The following CGGBP1 variants were observed in gnomAD, a reference collection of about 807,000 sequenced individuals.
The protein encoded by CGGBP1 is CGG triplet repeat binding protein 1, also known as CGG triplet repeat-binding protein 1.
CGGBP1 carries 4 observed loss-of-function variants against 11.4 expected under a neutral mutation model. That is an observed-to-expected ratio of 0.35 (90% CI 0.17 to 0.80). The LOEUF (loss-of-function observed/expected upper bound fraction) is 0.80, where lower values mean the gene tolerates loss of function less well. Ranked by LOEUF, CGGBP1 falls within the 30% of genes least tolerant of loss-of-function variation. CGGBP1 has a pLI of 0.52. For synonymous variants in CGGBP1, 76 were observed against 74.1 expected, an observed-to-expected ratio of 1.03 and a Z score of -0.13; for missense variants, 135 against 202.1, an observed-to-expected ratio of 0.67 and a Z score of 2.01.
chr3:88,077,299 G>A (rs1220722528), intron 2 of CGGBP1, among the ~76,000 whole-genome samples: 2 of 150,696 alleles, frequency 1.3e-5, no homozygotes, highest in Non-Finnish European at 3.0e-5. Flanking sequence ...TATGTTGGTA[G>A]TTACAAAAAA....
intron 2 of CGGBP1, among the ~76,000 whole-genome samples, chr3:88,111,743 T>G (rs1380444073): frequency 6.6e-6 from 1 of 151,982 alleles, no homozygotes; most frequent in Non-Finnish European, 1.5e-5. Context: ...TATGTGTACA[T>G]TTTAAATTGT....
chr3:88,109,857 C>G (rs1179342937), intron 2 of CGGBP1, among the ~76,000 whole-genome samples: 7 of 151,822 alleles, frequency 4.6e-5, no homozygotes, highest in Non-Finnish European at 1.0e-4. Context: ...TAAACATGTT[C>G]AACAGGAAAA....
At chr3:88,130,977 C>G (rs1339377826) in intron 2 of CGGBP1, among the ~76,000 whole-genome samples, 2 of 151,976 alleles carry the variant, frequency 1.3e-5, no homozygotes, top group East Asian at 3.9e-4. Context: ...ATACACACAC[C>G]TTTATATACA....
chr3:88,129,316 A>C (rs1266236041), intron 2 of CGGBP1, among the ~76,000 whole-genome samples: 1 of 121,344 alleles, frequency 8.2e-6, no homozygotes, highest in East Asian at 2.5e-4. Context: ...ACAGCTTGCC[A>C]GGAGTAAAAA....
chr3:88,113,233 C>A, intron 2 of CGGBP1: 1 of 1,314,330 alleles, frequency 7.6e-7, no homozygotes, highest in Non-Finnish European at 1.0e-6. Context: ...TTTGTCTACA[C>A]TTAAAATAGA....
At chr3:88,140,446 C>G (rs1294557744) in intron 2 of CGGBP1, 2 of 1,613,342 alleles carry the variant, frequency 1.2e-6, no homozygotes, top group Non-Finnish European at 1.7e-6. Context: ...GAACCAAAGA[C>G]ATGTATAGAA....
intron 2 of CGGBP1, among the ~76,000 whole-genome samples, chr3:88,094,815 A>G (rs1703965655): frequency 6.6e-6 from 1 of 152,030 alleles, no homozygotes; most frequent in African/African-American, 2.4e-5. Flanking sequence ...CCTTCCCACT[A>G]ATATTTTTGA....
chr3:88,106,294 G>T (rs1417333037), intron 2 of CGGBP1, among the ~76,000 whole-genome samples: 1 of 151,978 alleles, frequency 6.6e-6, no homozygotes, highest in African/African-American at 2.4e-5. Context: ...GGGATGTTAA[G>T]CCCTTCCTGT....
intron 2 of CGGBP1, chr3:88,138,567 A>T: frequency 2.2e-6 from 1 of 453,956 alleles, no homozygotes; most frequent in Non-Finnish European, 3.6e-6. Context: ...AAACAAGGCT[A>T]CTAAATATGG....
intron 1 of CGGBP1, chr3:88,142,314 T>C (rs1402000373): frequency 6.6e-6 from 1 of 151,402 alleles, no homozygotes; most frequent in Non-Finnish European, 1.5e-5. Flanking sequence ...ACCACAGTGC[T>C]TTGCTAATAA....
rs527469248 is a variant in CGGBP1, at chr3:88,069,515, T to C, written c.-228-11292A>G. ...TGAGATAGTAACAATGGCTCAGTTA[T>C]AACTTTTCTTCATAGCACTTATCGA... On this transcript the variant is annotated intron_variant, in intron 2 of 3. Coordinates refer to the CGGBP1 transcript ENST00000462901. Among the ~76,000 whole-genome samples the C allele has an allele frequency of 1.4e-4, 21 of 152,362 alleles. No homozygotes were observed. The East Asian group carries it at 3.7e-3, about 27-fold the overall frequency.
chr3:88,091,821 G>A (rs556499752), intron 2 of CGGBP1, among the ~76,000 whole-genome samples: 55 of 152,136 alleles, frequency 3.6e-4, no homozygotes, highest in African/African-American at 1.2e-3. Context: ...TTCCTCCTTC[G>A]CCTTCTGCTG....
intron 2 of CGGBP1, among the ~76,000 whole-genome samples, chr3:88,105,070 G>A (rs1704654072): frequency 6.6e-6 from 1 of 152,334 alleles, no homozygotes; most frequent in Middle Eastern, 3.4e-3. Flanking sequence ...AACCCAGGAG[G>A]TGGAGGTAGC....
Position 88,098,193 on chromosome 3 carries a change from C to T in CGGBP1, c.-228-39970G>A, listed in dbSNP as rs184908387. Reference sequence around the variant, plus strand: ...AAATACAAACTGCCATCAGAGAATACTATAAACACCTCTACACAAATAAAC... The same window carrying T: ...AAATACAAACTGCCATCAGAGAATATTATAAACACCTCTACACAAATAAAC... On this transcript the variant is annotated intron_variant, in intron 2 of 3. Coordinates refer to the CGGBP1 transcript ENST00000462901. Among the ~76,000 whole-genome samples the T allele has an allele frequency of 2.4e-3, 369 of 152,276 alleles. 3 individuals carry two copies. Among genetic ancestry groups the T allele is most frequent in the African/African-American group, 8.2e-3 (340 of 41,550 alleles).
intron 2 of CGGBP1, among the ~76,000 whole-genome samples, chr3:88,082,300 T>C (rs1416308826): frequency 6.6e-6 from 1 of 152,116 alleles, no homozygotes; most frequent in African/African-American, 2.4e-5. Flanking sequence ...CTAATTTTTA[T>C]ATTTTTAGTA....
chr3:88,130,403 G>C (rs1398871434), intron 2 of CGGBP1, among the ~76,000 whole-genome samples: 2 of 151,930 alleles, frequency 1.3e-5, no homozygotes, highest in African/African-American at 4.8e-5. Flanking sequence ...TAGCTTGAAG[G>C]CATATAGCTG....
chr3:88,080,171 G>A (rs1463488905), intron 2 of CGGBP1, among the ~76,000 whole-genome samples: 5 of 151,980 alleles, frequency 3.3e-5, no homozygotes, highest in Non-Finnish European at 7.4e-5. Flanking sequence ...GATGAGCATC[G>A]AACTAAATAG....
intron 2 of CGGBP1, among the ~76,000 whole-genome samples, chr3:88,072,722 A>G (rs1272171320): frequency 1.3e-5 from 2 of 152,076 alleles, no homozygotes; most frequent in Admixed American, 6.6e-5. Context: ...AACACCATCT[A>G]ATATATATTC....
At chr3:88,139,137 G>A (rs886290733) in intron 2 of CGGBP1, 7 of 1,304,144 alleles carry the variant, frequency 5.4e-6, no homozygotes, top group Non-Finnish European at 6.8e-6. Context: ...AAAAAGGACG[G>A]AGGAACAGCA....
Sources: allele counts gnomAD v4.1 joint callset (sites outside exome capture counted in the v4.1 genomes callset), GRCh38; gene constraint gnomAD v4.1.1; transcripts MANE v1.5; gene names NCBI Gene and HGNC (gene_info 2026-07-23, HGNC 2026-07-21).